Variants in CDS1 observed in about 807,000 individuals in gnomAD.
The protein encoded by CDS1 is phosphatidate cytidylyltransferase 1.
A neutral mutation model predicts 62.1 loss-of-function variants in CDS1; 41 were observed. The ratio of observed to expected loss-of-function variants is 0.66; its 90% CI spans 0.51 to 0.86. CDS1 has a LOEUF of 0.86. CDS1 is among the 40% of genes least tolerant of loss of function. The pLI, the probability that CDS1 is intolerant of heterozygous loss-of-function variation, is 0.00. For missense variants in CDS1, 470 were observed against 550.1 expected, an observed-to-expected ratio of 0.85 and a Z score of 1.46; for synonymous variants, 185 against 192.6, an observed-to-expected ratio of 0.96 and a Z score of 0.32.
Position 84,643,026 on chromosome 4 carries a change from A to T in CDS1, c.1035A>T (p.Glu345Asp). The T allele has an allele frequency of 6.3e-7, 1 of 1,592,440 alleles. No individual in the cohort carries two copies. Residue 345 changes from glutamate (E) to aspartate (D), a missense_variant and splice_region_variant, in exon 11 of 13, where the codon GAA (glutamate) becomes GAT (aspartate). By Grantham distance (45) the Glu-to-Asp change is conservative. This residue lies in a region of CDS1 where 214 missense variants were observed against 242.4 expected (regional missense o/e 0.88). Transcript: ENST00000295887. ...CTCCCCTTCTTTCTCCTCTTTAGGA[A>T]AGAGTGAGCTTGTACCCTTTCCAGA... Reference protein sequence around the residue: ...PPFLKAVLRQERVSLYPFQIH... With the variant: ...PPFLKAVLRQDRVSLYPFQIH...
Position 84,640,954 on chromosome 4 carries a change from C to G in CDS1, c.996C>G (p.Tyr332Ter). 3 of 1,608,952 alleles carry G rather than the reference C, an allele frequency of 1.9e-6. No homozygotes were observed. The highest frequency in any genetic ancestry group is 2.5e-6 in the Non-Finnish European group (3 of 1,178,022). Residue 332 changes from tyrosine to a stop codon, truncating the protein, a stop_gained, in exon 10 of 13, where the codon TAC (tyrosine) becomes TAG (stop). Coordinates refer to ENST00000295887, the MANE Select transcript of CDS1 (RefSeq NM_001263.4). LOFTEE classifies it high-confidence loss of function. ...EPSELFQLQT[Y>*]SLPPFLKAVL... Reference sequence around the variant, plus strand: ...CAGAACTTTTCCAGCTTCAGACTTACTCACTTCCACCCTTTCTAAAGGCAG... The same window carrying G: ...CAGAACTTTTCCAGCTTCAGACTTAGTCACTTCCACCCTTTCTAAAGGCAG...
intron 1 of CDS1, among the ~76,000 whole-genome samples, chr4:84,585,494 AT>A (rs1292377741): frequency 6.6e-6 from 1 of 152,178 alleles, no homozygotes; most frequent in East Asian, 1.9e-4. Context: ...GTCAAGGGCT[AT>A]TTTAAAATCA....
rs967902128 is a variant in CDS1, at chr4:84,597,048, C to T, written c.118-7195C>T. Among the ~76,000 whole-genome samples the T allele has an allele frequency of 1.3e-4, 20 of 152,190 alleles. 1 individual carries two copies. Among genetic ancestry groups the T allele is most frequent in the Admixed American group, 1.2e-3 (18 of 15,284 alleles). ...AGGTGGATGATGTAATCAGGTTTGC[C>T]TTTTACTCAGGCATTTTATGTTATG... On this transcript the variant is annotated intron_variant, in intron 1 of 12. Coordinates refer to ENST00000295887, the MANE Select transcript of CDS1 (RefSeq NM_001263.4).
At chr4:84,641,548 A>C (rs1415374070) in intron 10 of CDS1, among the ~76,000 whole-genome samples, 1 of 152,252 alleles carries the variant, frequency 6.6e-6, no homozygotes, top group Admixed American at 6.5e-5. Flanking sequence ...TATCACTGAC[A>C]TCAGTTGACA....
intron 2 of CDS1, among the ~76,000 whole-genome samples, chr4:84,606,499 A>G (rs1035643683): frequency 6.6e-6 from 1 of 152,162 alleles, no homozygotes. Context: ...CTGCATGGCT[A>G]TGGTCTAGTT....
At chr4:84,628,652 C>T (rs1197167926) in intron 5 of CDS1, among the ~76,000 whole-genome samples, 1 of 152,146 alleles carries the variant, frequency 6.6e-6, no homozygotes, top group Non-Finnish European at 1.5e-5. Flanking sequence ...CCAGCCTCAG[C>T]CTTTCAAGTA....
chr4:84,635,475 G>A, intron 8 of CDS1, 124 bp downstream of exon 8: 2 of 717,992 alleles, frequency 2.8e-6, no homozygotes, highest in Non-Finnish European at 5.0e-6. Context: ...TTCCTTAGCT[G>A]CATGGTGCAG....
At chr4:84,620,464 C>T (rs1035737005) in intron 5 of CDS1, among the ~76,000 whole-genome samples, 1 of 151,850 alleles carries the variant, frequency 6.6e-6, no homozygotes, top group African/African-American at 2.4e-5. Flanking sequence ...CCTCGTGATT[C>T]GCCTGCCTCA....
intron 8 of CDS1, among the ~76,000 whole-genome samples, chr4:84,635,574 TCTGCCTGCCTGCCTGCCTGCCTGCCTGC>T (rs1214957051): frequency 8.8e-5 from 9 of 102,030 alleles, no homozygotes; most frequent in African/African-American, 3.8e-4. Context: ...ACTCCATCAG[TCTGCCTGCCTGCCTGCCTGCCTGCCTGC>T]CTGCCTGCCT....
chr4:84,585,226 C>T (rs1049618757), intron 1 of CDS1, among the ~76,000 whole-genome samples: 3 of 152,144 alleles, frequency 2.0e-5, no homozygotes, highest in Non-Finnish European at 4.4e-5. Flanking sequence ...ATTTATTTAT[C>T]AATGCAGTAC....
chr4:84,607,415 C>T (rs902847939), intron 2 of CDS1, among the ~76,000 whole-genome samples: 2 of 151,174 alleles, frequency 1.3e-5, no homozygotes, highest in Non-Finnish European at 2.9e-5. Context: ...CCCAACATGC[C>T]CCGCCTCCTC....
At chr4:84,595,107 C>T (rs1328130221) in intron 1 of CDS1, among the ~76,000 whole-genome samples, 5 of 152,110 alleles carry the variant, frequency 3.3e-5, no homozygotes, top group Non-Finnish European at 7.4e-5. Context: ...GGCAAGCTGT[C>T]ATATCAAAGC....
At chr4:84,601,171 T>C (rs1222736124) in intron 1 of CDS1, among the ~76,000 whole-genome samples, 1 of 23,874 alleles carries the variant, frequency 4.2e-5, no homozygotes. Context: ...AGACCCTGTC[T>C]CAAAAAAAAA....
In CDS1 at chr4:84,650,719, G is replaced by A. The variant is rs1724707141; in HGVS notation, c.*2033G>A. On this transcript the variant is annotated 3_prime_UTR_variant, in exon 13 of 13. Transcript: ENST00000295887. ...AGAAATATTTGGGATCACAGTAATAGCTTTTCTCAAATATACTTTTAGAAT... is the reference window on the plus strand; with the variant it reads ...AGAAATATTTGGGATCACAGTAATAACTTTTCTCAAATATACTTTTAGAAT... The A allele has an allele frequency of 6.6e-6, 1 of 152,106 alleles. No individual in the cohort carries two copies. The highest frequency in any genetic ancestry group is 2.4e-5 in the African/African-American group (1 of 41,436). The allele number at this position is 152,106 out of a possible 1,614,324, so 9.4% of individuals were successfully genotyped here.
At chr4:84,620,422 C>A (rs1356616143) in intron 5 of CDS1, among the ~76,000 whole-genome samples, 1 of 151,606 alleles carries the variant, frequency 6.6e-6, no homozygotes, top group Non-Finnish European at 1.5e-5. Context: ...CGGGGTTTCA[C>A]CGTGTTAGCC....
intron 5 of CDS1, among the ~76,000 whole-genome samples, chr4:84,623,741 G>T (rs376987045): frequency 7.9e-5 from 12 of 152,116 alleles, no homozygotes; most frequent in Non-Finnish European, 1.5e-5. Context: ...GCGGATTGGC[G>T]GGCTTAACTT....
At chr4:84,585,021 C>T (rs1722372599) in intron 1 of CDS1, among the ~76,000 whole-genome samples, 2 of 152,202 alleles carry the variant, frequency 1.3e-5, no homozygotes, top group Non-Finnish European at 2.9e-5. Flanking sequence ...ACTTCCTTAA[C>T]TCGACAAAGC....
intron 1 of CDS1, among the ~76,000 whole-genome samples, chr4:84,597,124 G>A (rs1722775059): frequency 6.6e-6 from 1 of 152,220 alleles, no homozygotes; most frequent in Non-Finnish European, 1.5e-5. Flanking sequence ...CCACCACAAA[G>A]TGTAACTCCT....
intron 2 of CDS1, 50 bp from the exon 3 acceptor site, chr4:84,609,379 C>CA (rs1723243555): frequency 3.3e-6 from 4 of 1,218,922 alleles, no homozygotes; most frequent in Non-Finnish European, 2.4e-6. Context: ...TGAAACCACA[C>CA]AAAAAACCTT....
Sources: gnomAD v4.1 joint callset for allele counts (sites outside exome capture counted in the v4.1 genomes callset) on GRCh38, gnomAD v4.1.1 for gene constraint, gnomAD v4.1.1 regional missense constraint, MANE v1.5 for transcripts, NCBI Gene and HGNC (gene_info 2026-07-23, HGNC 2026-07-21) for gene names.